The following CSMD3 variants were observed in gnomAD, a reference collection of about 807,000 sequenced individuals.
CSMD3 encodes the protein CUB and Sushi multiple domains 3.
A neutral mutation model predicts 435.2 loss-of-function variants in CSMD3; 177 were observed. That is an observed-to-expected ratio of 0.41 (90% confidence interval 0.36 to 0.46). The LOEUF is 0.46. Among genes scored for constraint, CSMD3 ranks in the 20% least tolerant of loss-of-function variants. CSMD3 has a pLI of 0.34. For missense variants in CSMD3, 4,265 were observed against 4,504.6 expected, an observed-to-expected ratio of 0.95 and a Z score of 1.52; for synonymous variants, 1,656 against 1,520.5, an observed-to-expected ratio of 1.09 and a Z score of -2.07.
chr8:112,786,266 G>C, intron 13 of CSMD3, among the ~76,000 whole-genome samples: 1 of 151,922 alleles, frequency 6.6e-6, no homozygotes, highest in Non-Finnish European at 1.5e-5. Context: ...CTTGCCATAG[G>C]CATAAAACCA....
chr8:113,105,247 G>C (rs1199081965), intron 4 of CSMD3, among the ~76,000 whole-genome samples: 1 of 152,054 alleles, frequency 6.6e-6, no homozygotes, highest in Non-Finnish European at 1.5e-5. Flanking sequence ...GAAGAACTGT[G>C]ATCTAAGAGA....
intron 9 of CSMD3, among the ~76,000 whole-genome samples, chr8:112,928,273 T>G (rs1411073480): frequency 6.6e-6 from 1 of 152,172 alleles, no homozygotes; most frequent in East Asian, 1.9e-4. Flanking sequence ...GATTTTCATA[T>G]GACAACAGCT....
intron 24 of CSMD3, among the ~76,000 whole-genome samples, chr8:112,560,279 A>G (rs1290146998): frequency 6.6e-6 from 1 of 151,752 alleles, no homozygotes; most frequent in Non-Finnish European, 1.5e-5. Context: ...CTGTTAAATC[A>G]TAGAATTATT....
intron 27 of CSMD3, among the ~76,000 whole-genome samples, chr8:112,524,952 T>C (rs914715336): frequency 1.5e-4 from 23 of 151,934 alleles, no homozygotes; most frequent in Non-Finnish European, 4.4e-5. Flanking sequence ...AGAATGTGTT[T>C]TTTCAATATA....
At chr8:112,360,675 CTT>C (rs1347747286) in intron 38 of CSMD3, among the ~76,000 whole-genome samples, 1 of 151,714 alleles carries the variant, frequency 6.6e-6, no homozygotes, top group African/African-American at 2.4e-5. Context: ...AATAAAATAA[CTT>C]ATAACCTAGA....
intron 22 of CSMD3, among the ~76,000 whole-genome samples, chr8:112,627,147 A>G (rs2131541948): frequency 6.6e-6 from 1 of 152,318 alleles, no homozygotes. Flanking sequence ...GTCTGATGGC[A>G]AAGTTGATGA....
At chr8:112,789,265 T>G (rs2078628485) in intron 13 of CSMD3, among the ~76,000 whole-genome samples, 1 of 152,040 alleles carries the variant, frequency 6.6e-6, no homozygotes, top group Non-Finnish European at 1.5e-5. Flanking sequence ...ATATCTCAGT[T>G]TACTACAATG....
intron 38 of CSMD3, among the ~76,000 whole-genome samples, chr8:112,361,744 C>T (rs940521420): frequency 1.3e-4 from 19 of 150,774 alleles, no homozygotes; most frequent in Non-Finnish European, 2.2e-4. Context: ...AGGAAAAACT[C>T]ATTCATAAAT....
At chr8:112,312,507 C>A (rs1822082331) in intron 49 of CSMD3, among the ~76,000 whole-genome samples, 2 of 152,232 alleles carry the variant, frequency 1.3e-5, no homozygotes, top group South Asian at 4.1e-4. Flanking sequence ...CCACTCGCCT[C>A]AGCCTCCCAA....
chr8:113,153,132 AAG>A (rs1157116072), intron 4 of CSMD3, among the ~76,000 whole-genome samples: 137 of 124,708 alleles, frequency 1.1e-3, no homozygotes, highest in African/African-American at 3.5e-3. Flanking sequence ...AAAGAGAAAG[AAG>A]GAAGGAAGGA....
intron 1 of CSMD3, among the ~76,000 whole-genome samples, chr8:113,328,262 C>T (rs2093999145): frequency 1.3e-5 from 2 of 151,168 alleles, no homozygotes; most frequent in Admixed American, 1.3e-4. Context: ...AACGGTGAAA[C>T]CCCGTCTCTA....
chr8:112,904,457 C>T (rs1400010303), intron 10 of CSMD3, among the ~76,000 whole-genome samples: 2 of 151,152 alleles, frequency 1.3e-5, no homozygotes, highest in Non-Finnish European at 3.0e-5. Context: ...GATAACAATA[C>T]CTATAGGTCA....
chr8:112,341,769 G>A, intron 41 of CSMD3, 83 bp from the exon 42 acceptor site: 1 of 885,038 alleles, frequency 1.1e-6, no homozygotes. Context: ...TCACATCAAT[G>A]TACTTAGATA....
intron 38 of CSMD3, among the ~76,000 whole-genome samples, chr8:112,363,248 T>A (rs1827427900): frequency 6.6e-6 from 1 of 151,972 alleles, no homozygotes; most frequent in African/African-American, 2.4e-5. Flanking sequence ...CTTAGAGTAG[T>A]GCCAGGAATA....
intron 3 of CSMD3, among the ~76,000 whole-genome samples, chr8:113,244,913 T>G (rs1035638403): frequency 2.7e-4 from 41 of 152,178 alleles, no homozygotes; most frequent in Admixed American, 1.2e-3. Context: ...ACCAACTAAT[T>G]TTGTTATATT....
intron 3 of CSMD3, among the ~76,000 whole-genome samples, chr8:113,223,309 A>G (rs978761047): frequency 5.3e-5 from 8 of 150,522 alleles, no homozygotes; most frequent in Admixed American, 4.0e-4. Context: ...AATTTTTAAG[A>G]TTTTTGTGTT....
At chr8:112,615,211 A>G (rs1833572073) in intron 22 of CSMD3, among the ~76,000 whole-genome samples, 2 of 152,162 alleles carry the variant, frequency 1.3e-5, no homozygotes, top group South Asian at 4.1e-4. Context: ...AAAATGTAGC[A>G]TATCAAATTC....
chr8:113,317,595 G>C (rs1487246030), intron 1 of CSMD3, among the ~76,000 whole-genome samples: 4 of 151,946 alleles, frequency 2.6e-5, no homozygotes, highest in Non-Finnish European at 4.4e-5. Context: ...ATTAAACATA[G>C]CATTATTCTC....
At position 113,342,761 on chromosome 8, in the gene CSMD3, A is replaced by G. The variant is rs1050681441; in HGVS notation, c.179-27968T>C. ...ACTCACAATGTATGACATAAAAACT[A>G]CTCAATTTCCATGTGATAATAGTCC... is the stretch of plus-strand genomic sequence containing the variant. On this transcript the variant is annotated intron_variant, in intron 1 of 70. Transcript: ENST00000297405. Among the ~76,000 whole-genome samples the G allele has an allele frequency of 4.6e-5, 7 of 152,152 alleles. No homozygotes were observed. In the East Asian group the frequency reaches 1.3e-3, roughly 29 times the overall value.
Sources: gnomAD v4.1 joint callset for allele counts (sites outside exome capture counted in the v4.1 genomes callset) on GRCh38, gnomAD v4.1.1 for gene constraint, MANE v1.5 for transcripts, NCBI Gene and HGNC (gene_info 2026-07-23, HGNC 2026-07-21) for gene names.